The following IARS2 variants were observed in gnomAD, a reference collection of about 807,000 sequenced individuals.
IARS2 encodes isoleucyl-tRNA synthetase 2, mitochondrial, also known as isoleucine--tRNA ligase, mitochondrial.
In IARS2, 56 loss-of-function variants were observed where a neutral mutation model predicts 126.3. The ratio of observed to expected loss-of-function variants is 0.44; its 90% CI spans 0.36 to 0.55. The LOEUF (loss-of-function observed/expected upper bound fraction) is 0.55. Ranked by LOEUF, IARS2 falls within the 20% of genes least tolerant of loss-of-function variation. The probability of loss-of-function intolerance (pLI) is 0.00; values close to 1 mark genes in which losing one functional copy is unlikely to be tolerated. For missense variants in IARS2, 1,127 were observed against 1,245.9 expected, an observed-to-expected ratio of 0.90 and a Z score of 1.44; for synonymous variants, 407 against 441.1, an observed-to-expected ratio of 0.92 and a Z score of 0.97.
chr1:220,143,952 ACAT>A, intron 21 of IARS2: 1 of 1,279,454 alleles, frequency 7.8e-7, no homozygotes, highest in Non-Finnish European at 1.1e-6. Flanking sequence ...TATATGTATT[ACAT>A]CCCTAGAAAA....
intron 10 of IARS2, among the ~76,000 whole-genome samples, chr1:220,110,435 G>A (rs1409558531): frequency 2.6e-5 from 4 of 152,076 alleles, no homozygotes; most frequent in Admixed American, 6.5e-5. Context: ...GCACGATCTC[G>A]GCTCACTGCA....
chr1:220,116,655 T>C (rs1225260619), intron 12 of IARS2, among the ~76,000 whole-genome samples: 1 of 152,122 alleles, frequency 6.6e-6, no homozygotes, highest in African/African-American at 2.4e-5. Context: ...CTAAATATTG[T>C]TGCTGTGGTG....
At chr1:220,114,167 C>T in intron 11 of IARS2, 147 bp from the exon 12 acceptor site, 1 of 650,108 alleles carries the variant, frequency 1.5e-6, no homozygotes, top group Non-Finnish European at 2.7e-6. Flanking sequence ...TCTTTTAGTT[C>T]TTTAGTTGTT....
chr1:220,143,610 T>C lies in IARS2; in HGVS notation c.2751+476T>C, dbSNP rs191652770. On this transcript the variant is annotated intron_variant, in intron 21 of 22. Coordinates refer to ENST00000366922, the MANE Select transcript of IARS2 (RefSeq NM_018060.4). ...CGATCGTCTTTGAATGTATAAAAAATGGGAGTTTTGTATTAAGGGTCAGGT... is the reference window on the plus strand; with the variant it reads ...CGATCGTCTTTGAATGTATAAAAAACGGGAGTTTTGTATTAAGGGTCAGGT... Among the ~76,000 whole-genome samples the C allele has an allele frequency of 5.9e-5, 9 of 152,294 alleles. No individual in the cohort carries two copies. The East Asian group carries it at 1.7e-3, about 29-fold the overall frequency.
intron 21 of IARS2, 163 bp downstream of exon 21, chr1:220,143,297 T>C (rs1326001231): frequency 7.1e-6 from 3 of 420,314 alleles, no homozygotes; most frequent in Middle Eastern, 6.0e-4. Flanking sequence ...TTTTCACTTT[T>C]AAATATCTTT....
intron 14 of IARS2, among the ~76,000 whole-genome samples, chr1:220,131,501 G>A (rs1657266369): frequency 6.6e-6 from 1 of 151,706 alleles, no homozygotes; most frequent in Admixed American, 6.6e-5. Flanking sequence ...ACAGGCATGA[G>A]CCATCACGCC....
In IARS2 at chr1:220,138,017, AATGCTGCCAGAGATGAT is replaced by A. The variant is rs1162832713; in HGVS notation, c.2152_2168del (p.Ala718Ter). On this transcript the variant is annotated frameshift_variant, in exon 17 of 23. Coordinates refer to ENST00000366922, the MANE Select transcript of IARS2 (RefSeq NM_018060.4). LOFTEE classifies it high-confidence loss of function. ...AGTTGCAATTGGCCCATCCGTGCTC[AATGCTGCCAGAGATGAT>A]ATTAGCAAGGTTAGAACTATTATTC... is the stretch of plus-strand genomic sequence containing the variant. 1 of 1,614,058 alleles carries A rather than the reference AATGCTGCCAGAGATGAT, an allele frequency of 6.2e-7. No individual in the cohort carries two copies. The highest frequency in any genetic ancestry group is 8.5e-7 in the Non-Finnish European group (1 of 1,180,022).
intron 21 of IARS2, 78 bp downstream of exon 21, chr1:220,143,212 T>A: frequency 2.0e-6 from 2 of 978,446 alleles, no homozygotes; most frequent in Non-Finnish European, 3.0e-6. Flanking sequence ...AAAATGTGTC[T>A]AAATTAATCA....
chr1:220,138,421 A>C (rs1483784956), intron 17 of IARS2, among the ~76,000 whole-genome samples: 1 of 152,154 alleles, frequency 6.6e-6, no homozygotes, highest in East Asian at 1.9e-4. Flanking sequence ...CAGTGAGCCG[A>C]GATCGCGCCA....
intron 12 of IARS2, among the ~76,000 whole-genome samples, chr1:220,114,925 T>C (rs1010190935): frequency 1.5e-4 from 22 of 150,634 alleles, no homozygotes; most frequent in Non-Finnish European, 2.8e-4. Flanking sequence ...CTGATGATTA[T>C]ATTCCCAGTT....
chr1:220,126,016 A>T (rs1472635616), intron 13 of IARS2, among the ~76,000 whole-genome samples: 5 of 151,246 alleles, frequency 3.3e-5, no homozygotes, highest in Non-Finnish European at 1.5e-5. Context: ...CTGAGGCAGG[A>T]GAATGGCCTG....
intron 12 of IARS2, among the ~76,000 whole-genome samples, chr1:220,116,894 G>A (rs1017287086): frequency 4.6e-5 from 7 of 151,670 alleles, no homozygotes; most frequent in African/African-American, 1.7e-4. Context: ...CTACAGGCAC[G>A]CGCCACTGAC....
chr1:220,143,500 G>A (rs1269163824), intron 21 of IARS2, among the ~76,000 whole-genome samples: 4 of 152,132 alleles, frequency 2.6e-5, no homozygotes, highest in Admixed American at 2.0e-4. Context: ...TTACTGTGTA[G>A]GGATAGGGAA....
intron 1 of IARS2, 43 bp from the exon 2 acceptor site, chr1:220,096,061 G>A: frequency 8.9e-7 from 1 of 1,123,826 alleles, no homozygotes; most frequent in Non-Finnish European, 1.3e-6. Flanking sequence ...TCAGGAGTAT[G>A]TATTTATATG....
In IARS2 at chr1:220,117,889, GA is replaced by G. The variant is rs754286532; in HGVS notation, c.1640+3418del. 9.5e-6 allele frequency: 5 copies of G among 526,648 alleles called. 1 individual carries two copies. Among genetic ancestry groups the G allele is most frequent in the South Asian group, 7.1e-5 (5 of 70,150 alleles). The allele number at this position is 526,648 out of a possible 1,614,324, so 32.6% of individuals were successfully genotyped here. On this transcript the variant is annotated intron_variant, in intron 12 of 22. Coordinates refer to ENST00000366922, the MANE Select transcript of IARS2 (RefSeq NM_018060.4). ...CAGTCATACAGAATATTGGCCTAAA[GA>G]AATGACAGACAAACTCAGCTATATT...
At chr1:220,132,341 T>C (rs191135078) in intron 14 of IARS2, among the ~76,000 whole-genome samples, 5 of 152,272 alleles carry the variant, frequency 3.3e-5, no homozygotes, top group Admixed American at 1.3e-4. Context: ...TTTTTGTTAC[T>C]TATTCAGTCC....
intron 12 of IARS2, among the ~76,000 whole-genome samples, chr1:220,117,501 C>T (rs1217199726): frequency 1.3e-5 from 2 of 151,974 alleles, no homozygotes; most frequent in East Asian, 3.9e-4. Context: ...TGCCCGGCTA[C>T]TCTTCTTTTC....
intron 3 of IARS2, among the ~76,000 whole-genome samples, chr1:220,101,252 T>G (rs896594712): frequency 2.7e-4 from 41 of 152,224 alleles, no homozygotes; most frequent in African/African-American, 9.9e-4. Context: ...TTTTTCCAGT[T>G]TATTTGTCCT....
intron 17 of IARS2, among the ~76,000 whole-genome samples, chr1:220,138,427 C>T (rs527912121): frequency 1.3e-5 from 2 of 152,018 alleles, no homozygotes; most frequent in East Asian, 1.9e-4. Context: ...GCCGAGATCG[C>T]GCCACTGGAC....
Sources: gnomAD v4.1 joint callset for allele counts (sites outside exome capture counted in the v4.1 genomes callset) on GRCh38, gnomAD v4.1.1 for gene constraint, MANE v1.5 for transcripts, NCBI Gene and HGNC (gene_info 2026-07-23, HGNC 2026-07-21) for gene names.